The following ACCSL variants were observed in gnomAD, a reference collection of about 807,000 sequenced individuals.
The protein encoded by ACCSL is probable inactive 1-aminocyclopropane-1-carboxylate synthase-like protein 2.
ACCSL carries 55 observed loss-of-function variants against 61.7 expected under a neutral mutation model. The ratio of observed to expected loss-of-function variants is 0.89; its 90% CI spans 0.72 to 1.12. The LOEUF (loss-of-function observed/expected upper bound fraction) is 1.12, where lower values mean the gene tolerates loss of function less well. Among genes scored for constraint, ACCSL ranks in the 50% most tolerant of loss-of-function variants. The pLI is 0.00. For missense variants in ACCSL, 632 were observed against 698.0 expected (o/e 0.91, Z 1.07); for synonymous variants, 258 against 264.3 (o/e 0.98, Z 0.23).
the ACCSL span, among the ~76,000 whole-genome samples, chr11:43,949,126 A>T: frequency 1.2e-4 from 19 of 152,188 alleles, no homozygotes; most frequent in Admixed American, 1.2e-3. Context: ...GACTGCACAC[A>T]GGCATGACTC....
At position 44,059,008 on chromosome 11, in the gene ACCSL, C is replaced by T. The variant is rs567346157; in HGVS notation, c.1624+309C>T. Among the ~76,000 whole-genome samples the T allele has an allele frequency of 1.5e-3, 234 of 152,088 alleles. 1 individual carries two copies. The highest frequency in any genetic ancestry group is 5.2e-3 in the African/African-American group (216 of 41,472). On this transcript the variant is annotated intron_variant, in intron 13 of 13. Transcript: ENST00000378832. ...CTGTAATCCCAGCACTTTGGGAGGC[C>T]GAGGTGGGTGGATCATGAGGTCAGG...
the ACCSL span, among the ~76,000 whole-genome samples, chr11:44,008,741 T>A: frequency 0.094 from 14,268 of 152,286 alleles, 786 homozygotes; most frequent in East Asian, 0.3. Context: ...AGGCACCTAG[T>A]GACATGTGCT....
the ACCSL span, among the ~76,000 whole-genome samples, chr11:43,960,514 A>AGCTGGAATT: frequency 3.9e-5 from 6 of 152,000 alleles, no homozygotes; most frequent in Non-Finnish European, 5.9e-5. Context: ...CCTCCCGAGT[A>AGCTGGAATT]GCTGGAATTA....
the ACCSL span, among the ~76,000 whole-genome samples, chr11:43,984,903 G>A: frequency 6.6e-6 from 1 of 152,226 alleles, no homozygotes; most frequent in Non-Finnish European, 1.5e-5. Context: ...GGCTCTTCGA[G>A]GCCACCAGAG....
At chr11:43,925,430 C>T in the ACCSL span, 9 of 456,086 alleles carry the variant, frequency 2.0e-5, no homozygotes, top group Non-Finnish European at 3.5e-5. Context: ...CTGCACCAGC[C>T]AGGTGGCTGG....
At chr11:44,011,603 G>T in the ACCSL span, among the ~76,000 whole-genome samples, 1 of 152,174 alleles carries the variant, frequency 6.6e-6, no homozygotes, top group Admixed American at 6.5e-5. Context: ...ATGAATAAAG[G>T]TGTTATAAAC....
At chr11:43,979,002 G>C in the ACCSL span, among the ~76,000 whole-genome samples, 5 of 151,994 alleles carry the variant, frequency 3.3e-5, no homozygotes, top group African/African-American at 1.2e-4. Context: ...TATTGTTCTT[G>C]GATAAGGAAT....
At chr11:44,049,437 A>AC (rs1004788456) in intron 1 of ACCSL, among the ~76,000 whole-genome samples, 1 of 150,992 alleles carries the variant, frequency 6.6e-6, no homozygotes, top group African/African-American at 2.4e-5. Context: ...AAAAAAAAAA[A>AC]AAAAAAAAGG....
chr11:44,045,091 C>T (rs541478656), upstream of ACCSL, among the ~76,000 whole-genome samples: 2 of 152,130 alleles, frequency 1.3e-5, no homozygotes, highest in Non-Finnish European at 2.9e-5. Flanking sequence ...GGCAGAAGTC[C>T]AGCTTCTAGG....
upstream of ACCSL, among the ~76,000 whole-genome samples, chr11:44,046,970 T>A (rs542463190): frequency 1.2e-4 from 18 of 152,222 alleles, no homozygotes; most frequent in African/African-American, 1.7e-4. Context: ...TAAGCCATAA[T>A]CATGCCACTG....
the ACCSL span, chr11:43,933,140 G>A: frequency 4.4e-6 from 2 of 456,176 alleles, no homozygotes; most frequent in African/African-American, 2.0e-5. Context: ...TAACCTTGGA[G>A]CATAAGGTAA....
At chr11:43,983,559 GC>G in the ACCSL span, among the ~76,000 whole-genome samples, 1 of 152,068 alleles carries the variant, frequency 6.6e-6, no homozygotes, top group Non-Finnish European at 1.5e-5. Context: ...ATCATGAGGA[GC>G]TTTCTAAGGA....
the ACCSL span, among the ~76,000 whole-genome samples, chr11:44,023,766 T>A: frequency 6.6e-6 from 1 of 152,172 alleles, no homozygotes; most frequent in Non-Finnish European, 1.5e-5. Flanking sequence ...CTTTCTTTTT[T>A]AAAAATATAA....
the ACCSL span, among the ~76,000 whole-genome samples, chr11:43,956,641 A>G: frequency 6.6e-6 from 1 of 152,142 alleles, no homozygotes; most frequent in African/African-American, 2.4e-5. Flanking sequence ...GGCTGGTCTC[A>G]ATCTCCTGAC....
At chr11:43,922,842 C>A in the ACCSL span, among the ~76,000 whole-genome samples, 1 of 152,160 alleles carries the variant, frequency 6.6e-6, no homozygotes, top group Non-Finnish European at 1.5e-5. Context: ...CAGTCAGCAG[C>A]CCAAAGAAAC....
At chr11:43,940,602 C>T in the ACCSL span, among the ~76,000 whole-genome samples, 7 of 151,950 alleles carry the variant, frequency 4.6e-5, no homozygotes, top group African/African-American at 1.2e-4. Context: ...CCTTGTGATC[C>T]GTCCGCCTAA....
chr11:43,946,307 A>G, the ACCSL span, among the ~76,000 whole-genome samples: 24 of 149,794 alleles, frequency 1.6e-4, no homozygotes, highest in Non-Finnish European at 2.2e-4. Flanking sequence ...CATGTTGGCC[A>G]GGCTGGTCTT....
At chr11:44,005,908 C>G in the ACCSL span, among the ~76,000 whole-genome samples, 1 of 152,156 alleles carries the variant, frequency 6.6e-6, no homozygotes, top group Non-Finnish European at 1.5e-5. Context: ...GGATTTGGAC[C>G]CAGGTGTAAA....
the ACCSL span, chr11:43,942,461 T>TGGCGGGG: frequency 4.7e-6 from 1 of 212,982 alleles, no homozygotes; most frequent in Non-Finnish European, 9.8e-6. Flanking sequence ...CGGAGCCGGT[T>TGGCGGGG]GGCGGGGGGC....
Sources: gnomAD v4.1 joint callset for allele counts (sites outside exome capture counted in the v4.1 genomes callset) on GRCh38, gnomAD v4.1.1 for gene constraint, MANE v1.5 for transcripts, NCBI Gene and HGNC (gene_info 2026-07-23, HGNC 2026-07-21) for gene names.